Variants in RBFOX2 observed in about 807,000 individuals in gnomAD.
The protein encoded by RBFOX2 is RNA binding fox-1 homolog 2, also known as RNA binding protein fox-1 homolog 2.
In RBFOX2, 10 loss-of-function variants were observed where a neutral mutation model predicts 49.1. The observed-to-expected ratio is 0.20, with a 90% CI of 0.13 to 0.35. The LOEUF (loss-of-function observed/expected upper bound fraction) is 0.35, where lower values mean the gene tolerates loss of function less well. RBFOX2 is among the 10% of genes least tolerant of loss of function. The pLI is 1.00. For missense variants in RBFOX2, 323 were observed against 486.9 expected (o/e 0.66, Z 3.17); for synonymous variants, 183 against 187.4 (o/e 0.98, Z 0.19).
intron 1 of RBFOX2, among the ~76,000 whole-genome samples, chr22:36,006,159 C>T (rs2058609938): frequency 6.6e-6 from 1 of 152,220 alleles, no homozygotes; most frequent in African/African-American, 2.4e-5. Context: ...AGAAATTAAG[C>T]ACTTAAATGT....
intron 2 of RBFOX2, among the ~76,000 whole-genome samples, chr22:35,791,769 C>T (rs1947712508): frequency 1.3e-5 from 2 of 152,308 alleles, no homozygotes; most frequent in South Asian, 4.1e-4. Flanking sequence ...ATATCAATCA[C>T]TCCTGGTTGG....
At chr22:35,746,420 G>A in intron 10 of RBFOX2, 53 bp downstream of exon 12, 1 of 1,402,860 alleles carries the variant, frequency 7.1e-7, no homozygotes, top group Non-Finnish European at 9.8e-7. Context: ...GTGACATTTT[G>A]GGATGGAACA....
chr22:35,990,120 T>C (rs555393936), intron 1 of RBFOX2, among the ~76,000 whole-genome samples: 29 of 152,248 alleles, frequency 1.9e-4, no homozygotes, highest in African/African-American at 6.7e-4. Flanking sequence ...GAGGCAGAGG[T>C]TGCAGTGAGC....
intron 1 of RBFOX2, among the ~76,000 whole-genome samples, chr22:36,021,373 G>A (rs1006299580): frequency 3.3e-5 from 5 of 151,792 alleles, no homozygotes; most frequent in African/African-American, 9.7e-5. Flanking sequence ...TTGTGCACAC[G>A]TACCCTAGAA....
At chr22:35,916,093 G>A (rs540147653) in intron 1 of RBFOX2, among the ~76,000 whole-genome samples, 1 of 152,262 alleles carries the variant, frequency 6.6e-6, no homozygotes, top group Non-Finnish European at 1.5e-5. Flanking sequence ...GTAATGCTCA[G>A]CAAATTAACT....
intron 1 of RBFOX2, 139 bp downstream of exon 1, chr22:36,028,101 A>G: frequency 1.6e-6 from 2 of 1,284,152 alleles, no homozygotes; most frequent in South Asian, 4.1e-5. Flanking sequence ...CCCACCTTCC[A>G]ACCAGGCCCC....
At chr22:35,746,327 C>T in intron 10 of RBFOX2, 146 bp downstream of exon 12, 1 of 729,228 alleles carries the variant, frequency 1.4e-6, no homozygotes, top group East Asian at 2.5e-5. Context: ...CAGAGGCCAT[C>T]AAGAGGTCTG....
intron 1 of RBFOX2, among the ~76,000 whole-genome samples, chr22:35,813,633 T>C (rs1482522240): frequency 2.0e-5 from 3 of 152,324 alleles, no homozygotes; most frequent in East Asian, 3.9e-4. Context: ...GCCTCATACT[T>C]AGCAAACGTA....
At position 35,827,786 on chromosome 22, in the gene RBFOX2, TA is replaced by T. The variant is rs149237883; in HGVS notation, c.27+12405del. ...GTTCAACTGATTTTCACTCATAAAT[TA>T]AAAATATATTCAATGCAACACTGCT... On this transcript the variant is annotated intron_variant, in intron 1 of 11. Coordinates refer to ENST00000405409, the Ensembl canonical transcript of RBFOX2. 7.2e-3 allele frequency among the ~76,000 whole-genome samples: 1,094 copies of T among 152,294 alleles called. 10 individuals are homozygous for T. Among genetic ancestry groups the T allele is most frequent in the African/African-American group, 0.025 (1,043 of 41,558 alleles).
Position 35,756,859 on chromosome 22 carries a change from T to TA in RBFOX2, c.887+3028dup, listed in dbSNP as rs566885584. On this transcript the variant is annotated intron_variant, in intron 9 of 11. Transcript: ENST00000405409. ...ACCAAAGTAAACAGAGAAATGTAAT[T>TA]AAAAAAAAAACACAACCAAAAATAC... Among the ~76,000 whole-genome samples the TA allele has an allele frequency of 5.8e-3, 860 of 147,690 alleles. 3 individuals carry two copies. Among genetic ancestry groups the TA allele is most frequent in the Middle Eastern group, 0.014 (4 of 292 alleles).
Position 35,834,952 on chromosome 22 carries a change from A to G in RBFOX2, c.27+5240T>C, listed in dbSNP as rs569673701. ...ATGAATTAGTTTCCTGAATTTAATC[A>G]TTCTAATAGTAATAGAGAAACATTT... On this transcript the variant is annotated intron_variant, in intron 1 of 11. Coordinates refer to ENST00000405409, the Ensembl canonical transcript of RBFOX2. 5.9e-5 allele frequency among the ~76,000 whole-genome samples: 9 copies of G among 152,316 alleles called. No individual in the cohort carries two copies. The South Asian group carries it at 1.9e-3, about 32-fold the overall frequency.
intron 3 of RBFOX2, among the ~76,000 whole-genome samples, chr22:35,779,112 A>G (rs1393124769): frequency 5.9e-5 from 9 of 152,230 alleles, no homozygotes; most frequent in African/African-American, 1.9e-4. Context: ...AAAGACACGA[A>G]GCCTAAACTC....
intron 2 of RBFOX2, among the ~76,000 whole-genome samples, chr22:35,805,447 T>G (rs1950565993): frequency 6.6e-6 from 1 of 151,914 alleles, no homozygotes; most frequent in South Asian, 2.1e-4. Context: ...CAACTACATA[T>G]CTATTAGAAT....
intron 2 of RBFOX2, among the ~76,000 whole-genome samples, chr22:35,800,651 G>A (rs528862549): frequency 6.0e-5 from 9 of 150,314 alleles, no homozygotes; most frequent in Admixed American, 6.6e-5. Context: ...TCACCAAGAC[G>A]CCTCAGCTTC....
chr22:35,854,911 A>G (rs550725274), intron 1 of RBFOX2, among the ~76,000 whole-genome samples: 1 of 152,274 alleles, frequency 6.6e-6, no homozygotes, highest in Non-Finnish European at 1.5e-5. Context: ...AAAACACACT[A>G]CAAAAAATCA....
intron 1 of RBFOX2, chr22:35,994,654 C>T (rs1245836286): frequency 6.6e-6 from 1 of 152,166 alleles, no homozygotes; most frequent in Non-Finnish European, 1.5e-5. Context: ...GATCCTCCCA[C>T]TTCGGCCTCC....
chr22:35,893,652 A>G (rs2047509435), intron 1 of RBFOX2, among the ~76,000 whole-genome samples: 1 of 152,220 alleles, frequency 6.6e-6, no homozygotes, highest in African/African-American at 2.4e-5. Context: ...TAGAGAAGAG[A>G]AAATAATATT....
intron 1 of RBFOX2, chr22:35,897,224 A>AC (rs2047961195): frequency 1.7e-6 from 2 of 1,188,344 alleles, no homozygotes; most frequent in African/African-American, 3.0e-5. Context: ...ACACGGGCTG[A>AC]CCCAAAAGAC....
chr22:35,932,433 T>C (rs2052539115), intron 1 of RBFOX2, among the ~76,000 whole-genome samples: 1 of 152,246 alleles, frequency 6.6e-6, no homozygotes, highest in Non-Finnish European at 1.5e-5. Flanking sequence ...AATTTAAATC[T>C]ATAATTGTCT....
Sources: allele counts gnomAD v4.1 joint callset (sites outside exome capture counted in the v4.1 genomes callset), GRCh38; gene constraint gnomAD v4.1.1; transcripts MANE v1.5; gene names NCBI Gene and HGNC (gene_info 2026-07-23, HGNC 2026-07-21).